FXR1: variants seen among roughly 807,000 people sequenced by gnomAD.
FXR1 encodes FMR1 autosomal homolog 1.
FXR1 carries 15 observed loss-of-function variants against 84.0 expected under a neutral mutation model. The observed-to-expected ratio is 0.18, with a 90% confidence interval of 0.12 to 0.27. FXR1 has a LOEUF of 0.27. FXR1 is among the 10% of genes least tolerant of loss of function. FXR1 has a pLI of 1.00. For synonymous variants in FXR1, 245 were observed against 250.7 expected (o/e 0.98, Z 0.21); for missense variants, 480 against 774.4 (o/e 0.62, Z 4.51).
chr3:180,930,054 G>A (rs531441499), intron 1 of FXR1, among the ~76,000 whole-genome samples: 4 of 152,204 alleles, frequency 2.6e-5, no homozygotes, highest in Admixed American at 1.3e-4. Context: ...TCACGAGGTC[G>A]GAGTTCGAGA....
At chr3:180,975,882 GT>G (rs1560028896) in intron 16 of FXR1, among the ~76,000 whole-genome samples, 1 of 152,154 alleles carries the variant, frequency 6.6e-6, no homozygotes, top group Non-Finnish European at 1.5e-5. Context: ...GTTTTCATTA[GT>G]TTAGATGTTT....
rs1363886785 is a variant in FXR1, at chr3:180,979,835, T to A, written c.*3543T>A. ...AGTCTAATTACAAATTTTTAAAAAG[T>A]TTATCAGTGTATCATTTCAGATTCA... is the stretch of plus-strand genomic sequence containing the variant. On this transcript the variant is annotated 3_prime_UTR_variant, in exon 17 of 17. Coordinates refer to ENST00000357559, the MANE Select transcript of FXR1 (RefSeq NM_005087.4). 2 of 152,058 alleles carry A rather than the reference T, an allele frequency of 1.3e-5. No homozygotes were observed. Among genetic ancestry groups the A allele is most frequent in the East Asian group, 3.9e-4 (2 of 5,186 alleles). 9.4% of individuals were successfully genotyped at this position (152,058 alleles called of 1,614,324 possible). A position where few individuals can be genotyped will look rare whatever the true frequency, so the allele number is the denominator to read the frequency against.
At chr3:180,947,106 G>T (rs1721777445) in intron 3 of FXR1, among the ~76,000 whole-genome samples, 1 of 152,078 alleles carries the variant, frequency 6.6e-6, no homozygotes. Flanking sequence ...AGGCTGGAGT[G>T]CAATGGTGTG....
chr3:180,955,251 G>A (rs754299696), intron 9 of FXR1, among the ~76,000 whole-genome samples: 2 of 151,856 alleles, frequency 1.3e-5, no homozygotes, highest in East Asian at 1.9e-4. Context: ...CGCCCACCTC[G>A]GCCTCCCAAA....
intron 1 of FXR1, among the ~76,000 whole-genome samples, chr3:180,932,729 A>G (rs1720082042): frequency 4.6e-5 from 7 of 152,214 alleles, no homozygotes; most frequent in Admixed American, 4.6e-4. Context: ...GTATGTAGGA[A>G]AAATAAGATT....
chr3:180,960,516 AGGGCAGTGG>A (rs1311288609), intron 10 of FXR1, among the ~76,000 whole-genome samples: 1 of 152,166 alleles, frequency 6.6e-6, no homozygotes, highest in African/African-American at 2.4e-5. Context: ...TCCAGGCTGG[AGGGCAGTGG>A]CACAGTCTTG....
intron 13 of FXR1, among the ~76,000 whole-genome samples, chr3:180,963,394 TTACTA>T (rs1712392003): frequency 6.6e-6 from 1 of 152,178 alleles, no homozygotes; most frequent in Non-Finnish European, 1.5e-5. Flanking sequence ...TTCAAATACT[TTACTA>T]GTACAGTTTT....
intron 3 of FXR1, among the ~76,000 whole-genome samples, chr3:180,946,134 T>C (rs540846928): frequency 2.0e-5 from 3 of 152,356 alleles, no homozygotes; most frequent in Admixed American, 2.0e-4. Context: ...CAACGGTAGC[T>C]AAAAGCAGAC....
At chr3:180,917,625 T>G (rs113476010) in intron 1 of FXR1, among the ~76,000 whole-genome samples, 34 of 152,272 alleles carry the variant, frequency 2.2e-4, no homozygotes, top group African/African-American at 7.9e-4. Flanking sequence ...TTTTCTACTC[T>G]ATCTTGCTGA....
Position 180,958,167 on chromosome 3 carries a change from C to G in FXR1, c.990+239C>G, listed in dbSNP as rs1204687980. Among the ~76,000 whole-genome samples the G allele has an allele frequency of 3.3e-5, 5 of 152,016 alleles. No individual in the cohort carries two copies. The East Asian group carries it at 7.7e-4, about 23-fold the overall frequency. ...AAGCCAGTTCTTGACATAAAGATTT[C>G]TATTTGATAATCTTAACAGTTATTT... On this transcript the variant is annotated intron_variant, in intron 10 of 16. Transcript: ENST00000357559.
chr3:180,927,663 G>A (rs1049002472), intron 1 of FXR1: 35 of 532,282 alleles, frequency 6.6e-5, no homozygotes, highest in Non-Finnish European at 1.0e-4. Flanking sequence ...TTAAGCACCC[G>A]TCTAAAAAAA....
At chr3:180,942,564 T>C (rs1187281779) in intron 3 of FXR1, among the ~76,000 whole-genome samples, 1 of 152,050 alleles carries the variant, frequency 6.6e-6, no homozygotes, top group African/African-American at 2.4e-5. Context: ...AATCCTGAAA[T>C]AGGCTTTTGG....
chr3:180,953,433 A>T (rs546346009), intron 8 of FXR1, among the ~76,000 whole-genome samples: 1 of 152,274 alleles, frequency 6.6e-6, no homozygotes, highest in Non-Finnish European at 1.5e-5. Flanking sequence ...ATAGACTAGT[A>T]TATTTAGGAT....
chr3:180,947,920 G>A lies in FXR1; in HGVS notation c.254G>A (p.Arg85Gln). ...TGTGGGTGGTGGTTGGCTAAAGTTCGGATGATGAAAGGAGAAGTAAGTACT... is the reference window on the plus strand; with the variant it reads ...TGTGGGTGGTGGTTGGCTAAAGTTCAGATGATGAAAGGAGAAGTAAGTACT... ...EPCGWWLAKV[R>Q]MMKGEFYVIE... Residue 85 changes from arginine (R) to glutamine (Q), a missense_variant, in exon 4 of 17, where the codon CGG becomes CAG. This residue lies in a region of FXR1 where 136 missense variants were observed against 315.4 expected (regional missense o/e 0.43). Coordinates refer to ENST00000357559, the MANE Select transcript of FXR1 (RefSeq NM_005087.4). 1 of 1,603,056 alleles carries A rather than the reference G, an allele frequency of 6.2e-7. No homozygotes were observed.
At chr3:180,949,454 T>G in intron 7 of FXR1, 111 bp downstream of exon 7, 1 of 714,738 alleles carries the variant, frequency 1.4e-6, no homozygotes, top group Non-Finnish European at 2.6e-6. Flanking sequence ...TGGCACAATC[T>G]TGGCTTACTG....
rs1241605321 is a variant in FXR1 at position 180,979,708 on chromosome 3, A to G, written c.*3416A>G. 1.3e-5 allele frequency: 2 copies of G among 152,106 alleles called. No homozygotes were observed. Among genetic ancestry groups the G allele is most frequent in the African/African-American group, 2.4e-5 (1 of 41,442 alleles). 9.4% of individuals were successfully genotyped at this position (152,106 alleles called of 1,614,324 possible). ...ATCTGCTAAAGTCAGACTGTTAGCA[A>G]GTGGTGTTAAAACTGATTTAAGTCC... On this transcript the variant is annotated 3_prime_UTR_variant, in exon 17 of 17. Transcript: ENST00000357559.
At chr3:180,966,484 A>G (rs890683916) in intron 13 of FXR1, among the ~76,000 whole-genome samples, 1 of 152,232 alleles carries the variant, frequency 6.6e-6, no homozygotes, top group Non-Finnish European at 1.5e-5. Context: ...ATTTTTCCTC[A>G]AATGATTGCA....
At chr3:180,973,470 G>A (rs1713836592) in intron 15 of FXR1, among the ~76,000 whole-genome samples, 1 of 152,188 alleles carries the variant, frequency 6.6e-6, no homozygotes, top group Non-Finnish European at 1.5e-5. Context: ...GTCACTGAGG[G>A]CCGAACTTGG....
chr3:180,967,396 TGAAATACACTATACA>T (rs1302988464), intron 13 of FXR1, among the ~76,000 whole-genome samples: 2 of 152,184 alleles, frequency 1.3e-5, no homozygotes, highest in East Asian at 3.9e-4. Flanking sequence ...GAAATTATGG[TGAAATACACTATACA>T]GTTAAACTAT....
Sources: allele counts gnomAD v4.1 joint callset (sites outside exome capture counted in the v4.1 genomes callset), GRCh38; gene constraint gnomAD v4.1.1; regional missense constraint gnomAD v4.1.1; transcripts MANE v1.5; gene names NCBI Gene and HGNC (gene_info 2026-07-23, HGNC 2026-07-21).